The following THSD7A variants were observed in gnomAD, a reference collection of about 807,000 sequenced individuals.
THSD7A encodes thrombospondin type-1 domain-containing protein 7A.
Under a neutral mutation model 231.3 loss-of-function variants are expected in THSD7A, and 96 were observed. The observed-to-expected ratio is 0.41, with a 90% confidence interval of 0.35 to 0.49. THSD7A has a LOEUF of 0.49. THSD7A is among the 20% of genes least tolerant of loss of function. The probability of loss-of-function intolerance (pLI) is 0.05; values close to 1 mark genes in which losing one functional copy is unlikely to be tolerated. For missense variants in THSD7A, 2,290 were observed against 2,070.2 expected, an observed-to-expected ratio of 1.11 and a Z score of -2.06; for synonymous variants, 940 against 743.3, an observed-to-expected ratio of 1.26 and a Z score of -4.30.
intron 9 of THSD7A, among the ~76,000 whole-genome samples, chr7:11,464,488 C>G (rs892849000): frequency 6.6e-6 from 1 of 152,102 alleles, no homozygotes; most frequent in African/African-American, 2.4e-5. Context: ...CTTGAGGAAG[C>G]AGCTACCAAA....
intron 6 of THSD7A, among the ~76,000 whole-genome samples, chr7:11,485,585 TTAAG>T (rs1786623019): frequency 6.2e-5 from 8 of 128,920 alleles, no homozygotes; most frequent in African/African-American, 2.3e-4. Flanking sequence ...CTCAAAAAGG[TTAAG>T]TTATCTTTCT....
At chr7:11,708,688 C>T (rs768312178) in intron 1 of THSD7A, among the ~76,000 whole-genome samples, 6 of 150,808 alleles carry the variant, frequency 4.0e-5, no homozygotes, top group Non-Finnish European at 8.9e-5. Context: ...TCTGCCTTCT[C>T]TTAATTCAAA....
intron 2 of THSD7A, among the ~76,000 whole-genome samples, chr7:11,630,250 A>G (rs1251892834): frequency 6.6e-6 from 1 of 152,238 alleles, no homozygotes; most frequent in Non-Finnish European, 1.5e-5. Flanking sequence ...TTGAGAAAAA[A>G]TACAATTTTC....
intron 2 of THSD7A, among the ~76,000 whole-genome samples, chr7:11,596,899 C>A (rs1330367002): frequency 2.0e-5 from 3 of 152,240 alleles, no homozygotes; most frequent in African/African-American, 7.2e-5. Flanking sequence ...GTCCATAAGG[C>A]CCATCAGAAG....
intron 23 of THSD7A, among the ~76,000 whole-genome samples, chr7:11,398,347 G>T (rs1397117481): frequency 6.6e-6 from 1 of 152,038 alleles, no homozygotes; most frequent in East Asian, 1.9e-4. Flanking sequence ...GAGAATACAT[G>T]GACACAGGGA....
intron 6 of THSD7A, among the ~76,000 whole-genome samples, chr7:11,528,220 C>T (rs906490323): frequency 6.6e-6 from 1 of 152,068 alleles, no homozygotes; most frequent in African/African-American, 2.4e-5. Context: ...GAGGATAGCT[C>T]TAAAGGCTCA....
chr7:11,548,363 T>TA (rs1789485847), intron 4 of THSD7A, among the ~76,000 whole-genome samples: 1 of 151,732 alleles, frequency 6.6e-6, no homozygotes, highest in African/African-American at 2.4e-5. Flanking sequence ...GAAACAGTAA[T>TA]AAAAAACCCT....
intron 4 of THSD7A, among the ~76,000 whole-genome samples, chr7:11,547,422 G>A (rs1387541967): frequency 2.6e-5 from 4 of 152,076 alleles, no homozygotes; most frequent in African/African-American, 9.7e-5. Flanking sequence ...ATGCAATGAC[G>A]CTCATAGGCT....
intron 9 of THSD7A, among the ~76,000 whole-genome samples, chr7:11,465,821 T>C (rs1785680437): frequency 6.6e-6 from 1 of 152,138 alleles, no homozygotes; most frequent in African/African-American, 2.4e-5. Flanking sequence ...CCAAATATAT[T>C]ATTTGATCAA....
intron 1 of THSD7A, among the ~76,000 whole-genome samples, chr7:11,730,743 A>G (rs1198487283): frequency 3.3e-5 from 5 of 151,658 alleles, no homozygotes; most frequent in Admixed American, 2.6e-4. Context: ...TCTAGGAGTC[A>G]CCCATTTTTG....
chr7:11,804,142 A>G (rs1784344749), intron 1 of THSD7A, among the ~76,000 whole-genome samples: 1 of 152,266 alleles, frequency 6.6e-6, no homozygotes, highest in African/African-American at 2.4e-5. Context: ...TTGCCTTGCC[A>G]TTAAAGACTA....
At chr7:11,569,955 T>C (rs1405001005) in intron 4 of THSD7A, among the ~76,000 whole-genome samples, 1 of 152,138 alleles carries the variant, frequency 6.6e-6, no homozygotes, top group African/African-American at 2.4e-5. Flanking sequence ...GTAGATCACT[T>C]GAGCCTAGGA....
intron 1 of THSD7A, among the ~76,000 whole-genome samples, chr7:11,767,843 G>T (rs1783078848): frequency 6.6e-6 from 1 of 152,086 alleles, no homozygotes; most frequent in Non-Finnish European, 1.5e-5. Context: ...CTCCAACAAG[G>T]AAACAGCTCA....
At chr7:11,454,470 C>T (rs1315589191) in intron 11 of THSD7A, among the ~76,000 whole-genome samples, 1 of 151,868 alleles carries the variant, frequency 6.6e-6, no homozygotes, top group Non-Finnish European at 1.5e-5. Context: ...ATGAGCTGTT[C>T]CTAAACATAA....
At position 11,446,987 on chromosome 7, in the gene THSD7A, G is replaced by A. The variant is rs756040084; in HGVS notation, c.2800+243C>T. Among the ~76,000 whole-genome samples, 3 of 152,030 alleles carry A rather than the reference G, an allele frequency of 2.0e-5. No individual in the cohort carries two copies. The highest frequency in any genetic ancestry group is 4.4e-5 in the Non-Finnish European group (3 of 68,004). ...TGCAGGCAGTCCACTAAAAGATTAT[G>A]TCTACACCAGAAAATAATCCACTGC... On this transcript the variant is annotated intron_variant, in intron 12 of 27. Transcript: ENST00000423059. The surrounding 1 kb of genome is among the most constrained non-coding windows in gnomAD (Gnocchi z 4.0).
intron 2 of THSD7A, among the ~76,000 whole-genome samples, chr7:11,605,660 A>T (rs1345629480): frequency 6.6e-6 from 1 of 152,180 alleles, no homozygotes; most frequent in Non-Finnish European, 1.5e-5. Flanking sequence ...CTTGTAACAG[A>T]CAACAGAAAT....
intron 1 of THSD7A, among the ~76,000 whole-genome samples, chr7:11,663,544 T>C (rs1212834772): frequency 1.3e-5 from 2 of 151,568 alleles, no homozygotes; most frequent in Admixed American, 1.3e-4. Context: ...GCTTATGTTG[T>C]AGAGTCAGAA....
chr7:11,642,149 C>T (rs6460831), intron 1 of THSD7A, among the ~76,000 whole-genome samples: 57,719 of 151,942 alleles, frequency 0.38, 11,153 homozygotes, highest in South Asian at 0.6. Context: ...AAATCCTCTA[C>T]CAATTACAAT....
At chr7:11,747,123 G>T (rs1371313939) in intron 1 of THSD7A, among the ~76,000 whole-genome samples, 1 of 151,944 alleles carries the variant, frequency 6.6e-6, no homozygotes, top group Non-Finnish European at 1.5e-5. Flanking sequence ...TTAATGAAAA[G>T]AGGTTGCACT....
Sources: allele counts gnomAD v4.1 joint callset (sites outside exome capture counted in the v4.1 genomes callset), GRCh38; gene constraint gnomAD v4.1.1; non-coding constraint Gnocchi (gnomAD v3.1); transcripts MANE v1.5; gene names NCBI Gene and HGNC (gene_info 2026-07-23, HGNC 2026-07-21).